PRKN: variants seen among roughly 807,000 people sequenced by gnomAD.
PRKN encodes parkin RBR E3 ubiquitin protein ligase.
Under a neutral mutation model 59.5 loss-of-function variants are expected in PRKN, and 56 were observed. That is an observed-to-expected ratio of 0.94 (90% CI 0.76 to 1.18). The LOEUF (loss-of-function observed/expected upper bound fraction) is 1.18, where lower values mean the gene tolerates loss of function less well. PRKN is among the 50% of genes most tolerant of loss of function. The pLI is 0.00. For synonymous variants in PRKN, 250 were observed against 222.1 expected, an observed-to-expected ratio of 1.13 and a Z score of -1.12; for missense variants, 657 against 596.4, an observed-to-expected ratio of 1.10 and a Z score of -1.06.
At chr6:162,095,884 C>T (rs1414833696) in intron 4 of PRKN, among the ~76,000 whole-genome samples, 1 of 152,136 alleles carries the variant, frequency 6.6e-6, no homozygotes, top group African/African-American at 2.4e-5. Flanking sequence ...GACAGCGATA[C>T]TAAGTTCAGA....
intron 9 of PRKN, among the ~76,000 whole-genome samples, chr6:161,437,467 G>A (rs1247418995): frequency 2.0e-5 from 3 of 152,188 alleles, no homozygotes; most frequent in African/African-American, 7.2e-5. Context: ...GGTTGACTGT[G>A]AGTACCAGAG....
intron 4 of PRKN, among the ~76,000 whole-genome samples, chr6:162,144,613 G>A (rs1289932325): frequency 6.6e-6 from 1 of 152,150 alleles, no homozygotes; most frequent in Non-Finnish European, 1.5e-5. Context: ...CCACCCCCAG[G>A]TCAACCTTTG....
intron 1 of PRKN, among the ~76,000 whole-genome samples, chr6:162,578,058 G>C (rs1019971638): frequency 1.2e-4 from 19 of 152,102 alleles, no homozygotes; most frequent in Non-Finnish European, 2.8e-4. Flanking sequence ...ACTGATGACG[G>C]GAACATAAAA....
At position 161,679,352 on chromosome 6, in the gene PRKN, C is replaced by A. The variant is rs983721117; in HGVS notation, c.871+106420G>T. 3.3e-5 allele frequency among the ~76,000 whole-genome samples: 5 copies of A among 152,092 alleles called. No individual in the cohort carries two copies. The East Asian group carries it at 9.7e-4, about 29-fold the overall frequency. Reference sequence around the variant, plus strand: ...CCTGCAAGACTGGCCTGGAAGAAATCCTGGGAGGGTCTGCTTCAGGCCACT... The same window carrying A: ...CCTGCAAGACTGGCCTGGAAGAAATACTGGGAGGGTCTGCTTCAGGCCACT... On this transcript the variant is annotated intron_variant, in intron 7 of 11. Coordinates refer to ENST00000366898, the MANE Select transcript of PRKN (RefSeq NM_004562.3).
At chr6:162,405,916 A>G (rs1359078193) in intron 2 of PRKN, among the ~76,000 whole-genome samples, 2 of 152,142 alleles carry the variant, frequency 1.3e-5, no homozygotes, top group Non-Finnish European at 2.9e-5. Flanking sequence ...CTAGCAAACT[A>G]ACTCACCTGA....
At chr6:161,696,461 C>T (rs1236004952) in intron 7 of PRKN, among the ~76,000 whole-genome samples, 1 of 152,190 alleles carries the variant, frequency 6.6e-6, no homozygotes, top group Non-Finnish European at 1.5e-5. Context: ...CTCAGGTTTT[C>T]AACATGCCAG....
chr6:162,119,226 A>T (rs1435601190), intron 4 of PRKN, among the ~76,000 whole-genome samples: 4 of 152,198 alleles, frequency 2.6e-5, no homozygotes, highest in Admixed American at 2.6e-4. Context: ...TTTGTTCCAA[A>T]GCACTGCAGG....
chr6:162,524,771 T>C (rs1034315930), intron 1 of PRKN, among the ~76,000 whole-genome samples: 1 of 152,148 alleles, frequency 6.6e-6, no homozygotes, highest in African/African-American at 2.4e-5. Flanking sequence ...CATCAAAAAC[T>C]GCTTTCCAAA....
chr6:161,955,065 T>C (rs573119625), intron 6 of PRKN, among the ~76,000 whole-genome samples: 3 of 152,272 alleles, frequency 2.0e-5, no homozygotes, highest in African/African-American at 7.2e-5. Context: ...GTTTAAGCAG[T>C]CTCGGAGGAA....
chr6:162,671,167 C>T (rs975662694), intron 1 of PRKN, among the ~76,000 whole-genome samples: 1 of 152,148 alleles, frequency 6.6e-6, no homozygotes, highest in Non-Finnish European at 1.5e-5. Context: ...ATTCTTTTCA[C>T]TATACTGCTT....
At chr6:162,090,132 C>T (rs1013474710) in intron 4 of PRKN, among the ~76,000 whole-genome samples, 2 of 151,794 alleles carry the variant, frequency 1.3e-5, no homozygotes, top group East Asian at 1.9e-4. Context: ...TGAGGAACCA[C>T]GCAGTATTTG....
chr6:162,266,864 G>A (rs943754420), intron 2 of PRKN, among the ~76,000 whole-genome samples: 1 of 152,170 alleles, frequency 6.6e-6, no homozygotes, highest in African/African-American at 2.4e-5. Flanking sequence ...TAAGGTGTCA[G>A]AATTCTGTTT....
chr6:162,289,062 T>A (rs983446979), intron 2 of PRKN, among the ~76,000 whole-genome samples: 1 of 152,162 alleles, frequency 6.6e-6, no homozygotes, highest in South Asian at 2.1e-4. Context: ...ATGGCAGTAA[T>A]CAAGTACCAC....
At chr6:161,830,017 C>T (rs977274514) in intron 6 of PRKN, among the ~76,000 whole-genome samples, 7 of 152,108 alleles carry the variant, frequency 4.6e-5, no homozygotes, top group Admixed American at 3.3e-4. Context: ...CTACACTGGC[C>T]CCTTTGTCCC....
chr6:162,517,212 G>A (rs533685731), intron 1 of PRKN, among the ~76,000 whole-genome samples: 2 of 151,332 alleles, frequency 1.3e-5, no homozygotes, highest in African/African-American at 2.4e-5. Context: ...AGAATCTCTC[G>A]GGGTGGGGTG....
At chr6:162,153,360 A>G (rs1782357003) in intron 4 of PRKN, among the ~76,000 whole-genome samples, 1 of 152,236 alleles carries the variant, frequency 6.6e-6, no homozygotes, top group South Asian at 2.1e-4. Context: ...GGAGCAAATC[A>G]TGTGTAGGCC....
chr6:162,225,296 C>G (rs1778122074), intron 3 of PRKN, among the ~76,000 whole-genome samples: 1 of 152,160 alleles, frequency 6.6e-6, no homozygotes, highest in Non-Finnish European at 1.5e-5. Flanking sequence ...GACCCAAGCA[C>G]CTCCCGAAGT....
intron 4 of PRKN, among the ~76,000 whole-genome samples, chr6:162,078,404 T>C (rs188165793): frequency 6.6e-6 from 1 of 152,226 alleles, no homozygotes; most frequent in East Asian, 1.9e-4. Context: ...AATTGTGATA[T>C]TATTCAGGAA....
chr6:161,646,404 T>C (rs1337813100), intron 7 of PRKN, among the ~76,000 whole-genome samples: 32 of 99,218 alleles, frequency 3.2e-4, no homozygotes, highest in East Asian at 9.1e-4. Flanking sequence ...GCGGAGGAGG[T>C]GGCGTATCAG....
Sources: allele counts gnomAD v4.1 joint callset (sites outside exome capture counted in the v4.1 genomes callset), GRCh38; gene constraint gnomAD v4.1.1; transcripts MANE v1.5; gene names NCBI Gene and HGNC (gene_info 2026-07-23, HGNC 2026-07-21).